FKBP2: variants seen among roughly 807,000 people sequenced by gnomAD.
FKBP2 encodes peptidyl-prolyl cis-trans isomerase FKBP2.
Under a neutral mutation model 19.4 loss-of-function variants are expected in FKBP2, and 15 were observed. That is an observed-to-expected ratio of 0.77 (90% CI 0.52 to 1.19). FKBP2 has a LOEUF of 1.19. Ranked by LOEUF, FKBP2 falls within the 50% of genes most tolerant of loss-of-function variation. The probability of loss-of-function intolerance (pLI) is 0.00; values close to 1 mark genes in which losing one functional copy is unlikely to be tolerated. For synonymous variants in FKBP2, 76 were observed against 74.8 expected, an observed-to-expected ratio of 1.02 and a Z score of -0.08; for missense variants, 170 against 179.0, an observed-to-expected ratio of 0.95 and a Z score of 0.29.
chr11:64,244,013 G>T lies in FKBP2; in HGVS notation c.413G>T (p.Arg138Leu). The change falls in exon 6 of 6, where the codon CGA becomes CTA. Residue 138 changes from arginine (R) to leucine (L), a missense_variant. Transcript: ENST00000309366. Reference protein sequence around the residue: ...VFEVELLKIERRTEL With the variant: ...VFEVELLKIELRTEL Reference sequence around the variant, plus strand: ...GAGGTGGAGCTGCTCAAAATAGAGCGACGAACTGAGCTGTAACCAGACTGG... The same window carrying T: ...GAGGTGGAGCTGCTCAAAATAGAGCTACGAACTGAGCTGTAACCAGACTGG... 3 of 1,613,862 alleles carry T rather than the reference G, an allele frequency of 1.9e-6. No individual in the cohort carries two copies. Among genetic ancestry groups the T allele is most frequent in the Non-Finnish European group, 2.5e-6 (3 of 1,179,958 alleles).
chr11:64,243,802 T>TTGGCCATCAC (rs781323356), intron 4 of FKBP2, 39 bp from the exon 5 acceptor site: 70 of 1,613,054 alleles, frequency 4.3e-5, no homozygotes, highest in Non-Finnish European at 7.6e-6. Context: ...GGAAGGGAGC[T>TTGGCCATCAC]TGGCCATCAC....
At chr11:64,242,162 C>A in intron 1 of FKBP2, 1 of 475,820 alleles carries the variant, frequency 2.1e-6, no homozygotes, top group Non-Finnish European at 3.7e-6. Flanking sequence ...CTCCCCTGAC[C>A]CCCTCCCCCC....
At chr11:64,243,573 T>A in intron 4 of FKBP2, 76 bp downstream of exon 4, 1 of 1,540,822 alleles carries the variant, frequency 6.5e-7, no homozygotes. Flanking sequence ...CTTCAGCTTT[T>A]CATTGGTCTT....
In FKBP2 at chr11:64,243,831, T is replaced by C; in HGVS notation, c.332-10T>C. The C allele has an allele frequency of 1.2e-6, 2 of 1,614,062 alleles. No homozygotes were observed. The highest frequency in any genetic ancestry group is 1.7e-6 in the Non-Finnish European group (2 of 1,179,928). Reference sequence around the variant, plus strand: ...CCATCACTGACTGTTTCTTTGTGCATCTTCAACAGGGTATGGAGAGCGGGG... The same window carrying C: ...CCATCACTGACTGTTTCTTTGTGCACCTTCAACAGGGTATGGAGAGCGGGG... On this transcript the variant is annotated splice_polypyrimidine_tract_variant and intron_variant, in intron 4 of 5. Coordinates refer to ENST00000309366, the MANE Select transcript of FKBP2 (RefSeq NM_004470.4).
At position 64,242,407 on chromosome 11, in the gene FKBP2, G is replaced by A. The variant is rs4672; in HGVS notation, c.20G>A (p.Arg7Gln). 0.07 allele frequency: 108,470 copies of A among 1,543,198 alleles called. 4,344 individuals carry two copies. Among genetic ancestry groups the A allele is most frequent in the Non-Finnish European group, 0.081 (93,254 of 1,148,438 alleles). Reference sequence around the variant, plus strand: ...AGAGACATGAGGCTGAGCTGGTTCCGGGTCCTGACAGTACTGTCCATCTGC... The same window carrying A: ...AGAGACATGAGGCTGAGCTGGTTCCAGGTCCTGACAGTACTGTCCATCTGC... MRLSWF[R>Q]VLTVLSICLS... Residue 7 changes from arginine to glutamine, a missense_variant, in exon 2 of 6, where the codon CGG becomes CAG. Physicochemically the swap from Arg to Gln is conservative, Grantham distance 43. Transcript: ENST00000309366.
chr11:64,244,033 G>C lies in FKBP2; in HGVS notation c.*4G>C. Reference sequence around the variant, plus strand: ...AGAGCGACGAACTGAGCTGTAACCAGACTGGGGAGGGGCAGGGGGAGAGGC... The same window carrying C: ...AGAGCGACGAACTGAGCTGTAACCACACTGGGGAGGGGCAGGGGGAGAGGC... On this transcript the variant is annotated 3_prime_UTR_variant, in exon 6 of 6. Coordinates refer to ENST00000309366, the MANE Select transcript of FKBP2 (RefSeq NM_004470.4). 1 of 1,613,868 alleles carries C rather than the reference G, an allele frequency of 6.2e-7. No individual in the cohort carries two copies. The highest frequency in any genetic ancestry group is 1.7e-4 in the Middle Eastern group (1 of 6,032).
At chr11:64,243,759 A>G (rs766329773) in intron 4 of FKBP2, 82 bp from the exon 5 acceptor site, 11 of 1,569,966 alleles carry the variant, frequency 7.0e-6, no homozygotes, top group Non-Finnish European at 9.6e-6. Context: ...CTTCTTGCTG[A>G]GAGGGGCGGA....
At chr11:64,242,668 C>G (rs1591087039) in intron 2 of FKBP2, 110 bp downstream of exon 2, 3 of 1,192,376 alleles carry the variant, frequency 2.5e-6, no homozygotes, top group Non-Finnish European at 3.4e-6. Context: ...GGCAAGTCCC[C>G]TCTCGCCTCT....
chr11:64,243,086 A>T, intron 2 of FKBP2, 113 bp from the exon 3 acceptor site: 1 of 905,128 alleles, frequency 1.1e-6, no homozygotes, highest in Non-Finnish European at 1.8e-6. Flanking sequence ...AAAAGGACTG[A>T]CCACCAGGGC....
intron 2 of FKBP2, 89 bp downstream of exon 2, chr11:64,242,647 A>G (rs1225890092): frequency 2.8e-6 from 4 of 1,405,022 alleles, no homozygotes; most frequent in Non-Finnish European, 2.8e-6. Flanking sequence ...TAAGCCAGGT[A>G]GGTGACCTTG....
At chr11:64,242,667 C>A in intron 2 of FKBP2, 109 bp downstream of exon 2, 1 of 1,191,592 alleles carries the variant, frequency 8.4e-7, no homozygotes, top group East Asian at 2.8e-5. Context: ...GGGCAAGTCC[C>A]CTCTCGCCTC....
At chr11:64,243,784 C>T (rs983468573) in intron 4 of FKBP2, 57 bp from the exon 5 acceptor site, 16 of 1,601,588 alleles carry the variant, frequency 1.0e-5, no homozygotes, top group Non-Finnish European at 1.4e-5. Context: ...TCTCCCTTTG[C>T]CCACACTGGA....
rs1242631633 is a variant in FKBP2, at chr11:64,242,421, C to T, written c.34C>T (p.Leu12=). ...GAGCTGGTTCCGGGTCCTGACAGTA[C>T]TGTCCATCTGCCTGAGCGCCGTGGC... ...RLSWFRVLTV[L]SICLSAVATA... is the part of the protein sequence containing the mutation. Residue 12 remains leucine, a synonymous_variant, in exon 2 of 6, where the codon CTG becomes TTG. Transcript: ENST00000309366. The T allele has an allele frequency of 6.4e-7, 1 of 1,556,018 alleles. No homozygotes were observed. Among genetic ancestry groups the T allele is most frequent in the Non-Finnish European group, 8.7e-7 (1 of 1,155,644 alleles).
intron 1 of FKBP2, chr11:64,242,117 G>T: frequency 4.8e-6 from 2 of 419,344 alleles, no homozygotes; most frequent in Non-Finnish European, 4.3e-6. Flanking sequence ...AAGGTATGGG[G>T]GTGAGCAAAG....
At chr11:64,242,021 A>C in intron 1 of FKBP2, 1 of 175,934 alleles carries the variant, frequency 5.7e-6, no homozygotes, top group Non-Finnish European at 1.2e-5. Context: ...AGTCGGGGCA[A>C]CTGCAGTGCA....
At chr11:64,241,517 G>A (rs1690853033) in intron 1 of FKBP2, 1 of 153,010 alleles carries the variant, frequency 6.5e-6, no homozygotes, top group Non-Finnish European at 1.5e-5. Context: ...GGAGGCGCTG[G>A]GGGCGGGGCT....
chr11:64,242,801 C>T (rs1470368848), intron 2 of FKBP2, among the ~76,000 whole-genome samples: 4 of 152,222 alleles, frequency 2.6e-5, no homozygotes, highest in Non-Finnish European at 5.9e-5. Context: ...ACCAGCTGGG[C>T]GCAGTGGCTC....
chr11:64,242,295 CG>C, intron 1 of FKBP2, 88 bp from the exon 2 acceptor site: 1 of 1,253,072 alleles, frequency 8.0e-7, no homozygotes, highest in Non-Finnish European at 1.1e-6. Context: ...GATACAGTGG[CG>C]GTGGAACCCT....
chr11:64,243,242 A>G lies in FKBP2; in HGVS notation c.215A>G (p.Gln72Arg). The change falls in exon 3 of 6, where the codon CAG (glutamine) becomes CGG (arginine). Residue 72 changes from glutamine to arginine, a missense_variant. Physicochemically the swap from Gln to Arg is conservative, Grantham distance 43. Coordinates refer to ENST00000309366, the MANE Select transcript of FKBP2 (RefSeq NM_004470.4). Reference sequence around the variant, plus strand: ...ACAGAGTTTGACAGCAGCCTGCCCCAGAACCAGCCCTTTGTCTTCTCCCTT... The same window carrying G: ...ACAGAGTTTGACAGCAGCCTGCCCCGGAACCAGCCCTTTGTCTTCTCCCTT... ...DGTEFDSSLP[Q>R]NQPFVFSLGT... is the part of the protein sequence containing the mutation. 2 of 1,613,664 alleles carry G rather than the reference A, an allele frequency of 1.2e-6. No homozygotes were observed. Among genetic ancestry groups the G allele is most frequent in the Non-Finnish European group, 1.7e-6 (2 of 1,179,862 alleles).
Sources: gnomAD v4.1 joint callset for allele counts (sites outside exome capture counted in the v4.1 genomes callset) on GRCh38, gnomAD v4.1.1 for gene constraint, MANE v1.5 for transcripts, NCBI Gene and HGNC (gene_info 2026-07-23, HGNC 2026-07-21) for gene names.